PRH1: variants seen among roughly 807,000 people sequenced by gnomAD.
The protein encoded by PRH1 is proline rich protein HaeIII subfamily 1.
A neutral mutation model predicts 7.9 loss-of-function variants in PRH1; 7 were observed. That is an observed-to-expected ratio of 0.89 (90% CI 0.50 to 1.67). The LOEUF (loss-of-function observed/expected upper bound fraction) is 1.67, where lower values mean the gene tolerates loss of function less well. PRH1 is among the 40% of genes most tolerant of loss of function. The pLI is 0.00. For synonymous variants in PRH1, 45 were observed against 80.8 expected (o/e 0.56, Z 2.38); for missense variants, 109 against 223.6 (o/e 0.49, Z 3.27).
rs1435740790 is a variant in PRH1, at chr12:11,070,107, T to G, written n.124-22919A>C. Among the ~76,000 whole-genome samples the G allele has an allele frequency of 2.6e-5, 4 of 152,152 alleles. No homozygotes were observed. The East Asian group carries it at 7.7e-4, about 29-fold the overall frequency. On this transcript the variant is annotated intron_variant and non_coding_transcript_variant, in intron 1 of 4. Coordinates refer to the PRH1 transcript ENST00000541977. ...GTCAGGTGGCCATCAGCTGATGCCC[T>G]GGCAGTTGACACCCTGCCTCTCTAA...
chr12:10,986,217 C>A (rs781261467), intron 1 of PRH1: 1 of 1,614,034 alleles, frequency 6.2e-7, no homozygotes, highest in South Asian at 1.1e-5. Context: ...ATCTTGCGAT[C>A]CTTCTCCATG....
intron 1 of PRH1, among the ~76,000 whole-genome samples, chr12:11,076,321 T>C (rs1343730412): frequency 6.7e-6 from 1 of 150,132 alleles, no homozygotes; most frequent in South Asian, 2.1e-4. Flanking sequence ...CATCAATATA[T>C]AGATTTCACA....
At chr12:10,926,435 AT>A in intron 2 of PRH1, among the ~76,000 whole-genome samples, 2 of 152,266 alleles carry the variant, frequency 1.3e-5, no homozygotes, top group Middle Eastern at 6.8e-3. Context: ...TTCAAAAAAG[AT>A]TTAGTCATGT....
At chr12:11,041,544 A>T (rs1390334377) in intron 1 of PRH1, among the ~76,000 whole-genome samples, 1 of 152,210 alleles carries the variant, frequency 6.6e-6, no homozygotes. Context: ...AGACTTCAAC[A>T]TTCCACTTTC....
intron 1 of PRH1, among the ~76,000 whole-genome samples, chr12:11,134,924 G>A (rs1390281840): frequency 1.3e-5 from 2 of 151,934 alleles, no homozygotes; most frequent in Non-Finnish European, 2.9e-5. Context: ...ACACACACAT[G>A]TGCACACCAC....
intron 1 of PRH1, chr12:11,031,146 A>G (rs371468130): frequency 6.2e-7 from 1 of 1,614,244 alleles, no homozygotes; most frequent in Middle Eastern, 1.7e-4. Context: ...TACCAATTTA[A>G]TAATAATACC....
intron 2 of PRH1, among the ~76,000 whole-genome samples, chr12:10,962,985 C>T (rs370202073): frequency 1.4e-3 from 206 of 152,250 alleles, no homozygotes; most frequent in African/African-American, 4.3e-3. Flanking sequence ...TTAGCCAGGA[C>T]GGTCTTGATC....
chr12:11,126,464 T>G (rs1476033674), intron 1 of PRH1, among the ~76,000 whole-genome samples: 1 of 152,416 alleles, frequency 6.6e-6, no homozygotes, highest in East Asian at 1.9e-4. Context: ...TGGTTCATTT[T>G]GATTGCTGTA....
At chr12:10,922,421 G>T (rs1950058597) in intron 2 of PRH1, among the ~76,000 whole-genome samples, 1 of 152,084 alleles carries the variant, frequency 6.6e-6, no homozygotes, top group African/African-American at 2.4e-5. Context: ...CTTTTTCTCA[G>T]TTATAGAGAA....
At chr12:11,006,294 G>A (rs1225762568) in intron 1 of PRH1, 1 of 151,596 alleles carries the variant, frequency 6.6e-6, no homozygotes, top group Non-Finnish European at 1.5e-5. Context: ...AACAAAGATG[G>A]TTAGTTACTG....
At chr12:10,978,492 T>TA (rs1939209064) in intron 1 of PRH1, among the ~76,000 whole-genome samples, 1 of 151,956 alleles carries the variant, frequency 6.6e-6, no homozygotes, top group Non-Finnish European at 1.5e-5. Context: ...ACCTAGGAAA[T>TA]ACCTTTCTGG....
At chr12:11,000,517 G>A (rs1940536461) in intron 1 of PRH1, among the ~76,000 whole-genome samples, 1 of 151,952 alleles carries the variant, frequency 6.6e-6, no homozygotes, top group Non-Finnish European at 1.5e-5. Flanking sequence ...TTTTCTACTG[G>A]TCTTTGATGT....
chr12:11,148,966 CT>C (rs890435901), intron 1 of PRH1, among the ~76,000 whole-genome samples: 11 of 148,682 alleles, frequency 7.4e-5, no homozygotes, highest in African/African-American at 2.5e-4. Context: ...ATTTCAGATC[CT>C]GTTATTGGTC....
intron 1 of PRH1, among the ~76,000 whole-genome samples, chr12:11,019,168 G>T (rs1438178947): frequency 6.6e-6 from 1 of 152,276 alleles, no homozygotes; most frequent in Non-Finnish European, 1.5e-5. Flanking sequence ...AGACAGCTAG[G>T]ATACATTCTC....
chr12:10,973,786 G>C, intron 1 of PRH1: 1 of 742,992 alleles, frequency 1.3e-6, no homozygotes, highest in Non-Finnish European at 2.5e-6. Context: ...GTGCAAACAA[G>C]GAGGGCCAGC....
chr12:11,000,503 C>G (rs1485676138), intron 1 of PRH1, among the ~76,000 whole-genome samples: 1 of 152,082 alleles, frequency 6.6e-6, no homozygotes, highest in Non-Finnish European at 1.5e-5. Context: ...GGCTACTTTT[C>G]AGATTTTCTA....
At chr12:11,045,544 T>G (rs1473788438) in intron 1 of PRH1, among the ~76,000 whole-genome samples, 3 of 152,136 alleles carry the variant, frequency 2.0e-5, no homozygotes, top group African/African-American at 7.2e-5. Flanking sequence ...AATAAATGTA[T>G]GCACCTAGTA....
intron 1 of PRH1, chr12:10,997,116 T>G: frequency 6.2e-7 from 1 of 1,614,044 alleles, no homozygotes; most frequent in Non-Finnish European, 8.5e-7. Flanking sequence ...TTTGGTCGCA[T>G]CTTAAAATTC....
intron 1 of PRH1, among the ~76,000 whole-genome samples, chr12:11,026,659 T>C (rs1403926161): frequency 6.6e-6 from 1 of 152,136 alleles, no homozygotes; most frequent in African/African-American, 2.4e-5. Flanking sequence ...TATAAGCCGA[T>C]TCACTAAACC....
Sources: gnomAD v4.1 joint callset for allele counts (sites outside exome capture counted in the v4.1 genomes callset) on GRCh38, gnomAD v4.1.1 for gene constraint, MANE v1.5 for transcripts, NCBI Gene and HGNC (gene_info 2026-07-23, HGNC 2026-07-21) for gene names.